TNS3: variants seen among roughly 807,000 people sequenced by gnomAD.
TNS3 encodes the protein tensin-3.
A neutral mutation model predicts 140.9 loss-of-function variants in TNS3; 45 were observed. That is an observed-to-expected ratio of 0.32 (90% CI 0.25 to 0.41). The LOEUF is 0.41. Ranked by LOEUF, TNS3 falls within the 10% of genes least tolerant of loss-of-function variation. The pLI is 1.00. For synonymous variants in TNS3, 815 were observed against 788.4 expected, an observed-to-expected ratio of 1.03 and a Z score of -0.56; for missense variants, 1,716 against 1,906.7, an observed-to-expected ratio of 0.90 and a Z score of 1.86.
chr7:47,315,531 G>A (rs1290047038), intron 20 of TNS3, among the ~76,000 whole-genome samples: 1 of 152,178 alleles, frequency 6.6e-6, no homozygotes, highest in Non-Finnish European at 1.5e-5. Context: ...CTCTCATCCA[G>A]GCTTCTGTGG....
intron 1 of TNS3, chr7:47,539,395 C>T: frequency 3.0e-6 from 1 of 330,134 alleles, no homozygotes; most frequent in Non-Finnish European, 6.0e-6. Context: ...GTGAGGACAA[C>T]AAACTGATTT....
At position 47,277,874 on chromosome 7, in the gene TNS3, A is replaced by T. The variant is rs1784937699; in HGVS notation, c.*202T>A. 2.9e-6 allele frequency: 2 copies of T among 695,890 alleles called. No homozygotes were observed. Among genetic ancestry groups the T allele is most frequent in the East Asian group, 5.5e-5 (2 of 36,282 alleles). 43.1% of individuals were successfully genotyped at this position (695,890 alleles called of 1,614,324 possible). A position where few individuals can be genotyped will look rare whatever the true frequency, so the allele number is the denominator to read the frequency against. ...AAGCATGTGGCTACAGAGATGTGTC[A>T]GATAAGTCACTTTCAGGAAAGGCCA... On this transcript the variant is annotated 3_prime_UTR_variant, in exon 31 of 31. Coordinates refer to ENST00000311160, the MANE Select transcript of TNS3 (RefSeq NM_022748.12).
intron 16 of TNS3, among the ~76,000 whole-genome samples, chr7:47,391,043 C>T (rs150699728): frequency 8.7e-4 from 133 of 152,298 alleles, no homozygotes; most frequent in African/African-American, 3.0e-3. Flanking sequence ...CCCGATCTCA[C>T]GATCCACCAC....
intron 16 of TNS3, among the ~76,000 whole-genome samples, chr7:47,376,273 C>T (rs1791379628): frequency 6.6e-6 from 1 of 152,172 alleles, no homozygotes; most frequent in Admixed American, 6.5e-5. Context: ...TCAACAGAGG[C>T]AAGGGAAAGA....
At chr7:47,392,376 C>T (rs1792574174) in intron 16 of TNS3, among the ~76,000 whole-genome samples, 2 of 152,180 alleles carry the variant, frequency 1.3e-5, no homozygotes, top group Non-Finnish European at 1.5e-5. Context: ...CCTAACAGGC[C>T]CAGATTGAAG....
intron 16 of TNS3, among the ~76,000 whole-genome samples, chr7:47,389,108 GCAGAA>G (rs1792329570): frequency 6.2e-4 from 18 of 28,942 alleles, no homozygotes; most frequent in East Asian, 3.1e-3. Flanking sequence ...GGAAGCGGAA[GCAGAA>G]GAAGAAGAAG....
Position 47,398,689 on chromosome 7 carries a change from A to G in TNS3, c.919+1704T>C, listed in dbSNP as rs189044220. On this transcript the variant is annotated intron_variant, in intron 15 of 30. Coordinates refer to ENST00000311160, the MANE Select transcript of TNS3 (RefSeq NM_022748.12). ...GACTTACCTCAAAATAATAAAAGCC[A>G]TGTATGACAAACCCATAGCCAATGT... is the stretch of plus-strand genomic sequence containing the variant. 3.9e-5 allele frequency among the ~76,000 whole-genome samples: 6 copies of G among 152,338 alleles called. No individual in the cohort carries two copies. The East Asian group carries it at 1.2e-3, about 29-fold the overall frequency.
chr7:47,282,817 A>C (rs964060951), intron 28 of TNS3, among the ~76,000 whole-genome samples: 1 of 152,148 alleles, frequency 6.6e-6, no homozygotes, highest in African/African-American at 2.4e-5. Flanking sequence ...AAACTCACTT[A>C]TTCCTGAAGC....
intron 1 of TNS3, among the ~76,000 whole-genome samples, chr7:47,575,931 G>C (rs1800665616): frequency 6.6e-6 from 1 of 151,808 alleles, no homozygotes; most frequent in East Asian, 1.9e-4. Context: ...CCTGCGTGCA[G>C]GACAAGAGAG....
intron 20 of TNS3, among the ~76,000 whole-genome samples, chr7:47,314,566 C>G (rs1262576799): frequency 6.6e-6 from 1 of 152,190 alleles, no homozygotes. Flanking sequence ...AGAAATGTGG[C>G]TCACCATAAG....
At chr7:47,533,127 T>TATAC (rs60649487) in intron 1 of TNS3, among the ~76,000 whole-genome samples, 1 of 55,908 alleles carries the variant, frequency 1.8e-5, no homozygotes, top group Admixed American at 2.5e-4. Flanking sequence ...ATATATATTT[T>TATAC]TTTTTTTTTT....
At chr7:47,297,553 T>C (rs6463409) in intron 23 of TNS3, among the ~76,000 whole-genome samples, 150,672 of 152,158 alleles carry the variant, frequency 0.99, 74,620 homozygotes, top group Middle Eastern at 1. Flanking sequence ...AATCCCACAA[T>C]ACCTGTGATG....
intron 2 of TNS3, among the ~76,000 whole-genome samples, chr7:47,510,184 G>A (rs1294113193): frequency 6.6e-6 from 1 of 152,178 alleles, no homozygotes; most frequent in Non-Finnish European, 1.5e-5. Context: ...CCCATAGCCA[G>A]CAGGCCCACA....
intron 20 of TNS3, among the ~76,000 whole-genome samples, chr7:47,312,717 A>G (rs946522860): frequency 2.2e-5 from 3 of 139,162 alleles, no homozygotes; most frequent in Non-Finnish European, 4.6e-5. Context: ...AATAAAAATA[A>G]AAATAAAAAA....
intron 4 of TNS3, among the ~76,000 whole-genome samples, chr7:47,463,729 T>C (rs184170380): frequency 2.1e-3 from 315 of 152,248 alleles, no homozygotes; most frequent in African/African-American, 6.6e-3. Context: ...TTGTTCAGTG[T>C]CAGACGGGAA....
rs746721101 is a variant in TNS3 at position 47,303,224 on chromosome 7, G to C, written c.3183C>G (p.Ala1061=). 152 of 1,613,630 alleles carry C rather than the reference G, an allele frequency of 9.4e-5. No homozygotes were observed. Among genetic ancestry groups the C allele is most frequent in the Non-Finnish European group, 1.2e-4 (143 of 1,180,026 alleles). Residue 1061 remains alanine, a synonymous_variant, in exon 22 of 31, where the codon GCC becomes GCG. Coordinates refer to ENST00000311160, the MANE Select transcript of TNS3 (RefSeq NM_022748.12). ...AGTTGTGGGACAGGAAGCCATTGTC[G>C]GCAGCCCCTGTCGCTGTCAGCGGGA... ...PSIPLTATGA[A]DNGFLSHNFL...
intron 11 of TNS3, 73 bp from the exon 12 acceptor site, chr7:47,414,070 A>T: frequency 6.6e-7 from 1 of 1,517,238 alleles, no homozygotes; most frequent in South Asian, 1.1e-5. Flanking sequence ...AATCAGAAAG[A>T]CAGAAAGCGA....
At position 47,278,002 on chromosome 7, in the gene TNS3, G is replaced by C. The variant is rs1454545938; in HGVS notation, c.*74C>G. 6.3e-7 allele frequency: 1 copy of C among 1,599,840 alleles called. No individual in the cohort carries two copies. The highest frequency in any genetic ancestry group is 2.2e-5 in the East Asian group (1 of 44,626). On this transcript the variant is annotated 3_prime_UTR_variant, in exon 31 of 31. Coordinates refer to ENST00000311160, the MANE Select transcript of TNS3 (RefSeq NM_022748.12). ...GTTTACTAGTTTGGTAAAAAGTGGG[G>C]GCCCCACCCTCACCCAACGGCTGTC...
At chr7:47,542,926 CAAA>C (rs33935034) in intron 1 of TNS3, among the ~76,000 whole-genome samples, 1 of 135,162 alleles carries the variant, frequency 7.4e-6, no homozygotes. Flanking sequence ...GCAAGACTGT[CAAA>C]AAAAAAAAAA....
Sources: gnomAD v4.1 joint callset for allele counts (sites outside exome capture counted in the v4.1 genomes callset) on GRCh38, gnomAD v4.1.1 for gene constraint, MANE v1.5 for transcripts, NCBI Gene and HGNC (gene_info 2026-07-23, HGNC 2026-07-21) for gene names.